SLC27A4: variants seen among roughly 807,000 people sequenced by gnomAD.
SLC27A4 encodes solute carrier family 27 member 4, also known as long-chain fatty acid transport protein 4.
SLC27A4 carries 33 observed loss-of-function variants against 64.4 expected under a neutral mutation model. The ratio of observed to expected loss-of-function variants is 0.51; its 90% confidence interval spans 0.39 to 0.68. The LOEUF (loss-of-function observed/expected upper bound fraction) is 0.68. Ranked by LOEUF, SLC27A4 falls within the 30% of genes least tolerant of loss-of-function variation. The probability of loss-of-function intolerance (pLI) is 0.00; values close to 1 mark genes in which losing one functional copy is unlikely to be tolerated. For synonymous variants in SLC27A4, 377 were observed against 370.0 expected, an observed-to-expected ratio of 1.02 and a Z score of -0.22; for missense variants, 824 against 883.5, an observed-to-expected ratio of 0.93 and a Z score of 0.85.
intron 2 of SLC27A4, 147 bp downstream of exon 2, chr9:128,343,440 C>T (rs142640560): frequency 6.1e-4 from 543 of 887,854 alleles, no homozygotes; most frequent in African/African-American, 3.0e-3. Context: ...GCTCCACACC[C>T]GTACCCTGGC....
rs7048106 is a variant in SLC27A4, at chr9:128,361,263, A to G, written c.*772A>G. ...CACCCAAGCCCACCCTGACCCCAGA[A>G]CCCCACAGCCCCACTGTGGCCGCTT... On this transcript the variant is annotated 3_prime_UTR_variant, in exon 13 of 13. Transcript: ENST00000300456. The G allele has an allele frequency of 0.36, 55,557 of 152,474 alleles. 13,690 individuals carry two copies. The highest frequency in any genetic ancestry group is 0.71 in the African/African-American group (29,421 of 41,360). 9.4% of individuals were successfully genotyped at this position (152,474 alleles called of 1,614,324 possible).
chr9:128,346,300 C>G lies in SLC27A4; in HGVS notation c.556+751C>G, dbSNP rs552918381. Among the ~76,000 whole-genome samples, 250 of 151,812 alleles carry G rather than the reference C, an allele frequency of 1.6e-3. 1 individual carries two copies. Among genetic ancestry groups the G allele is most frequent in the Non-Finnish European group, 7.5e-4 (51 of 67,970 alleles). ...CCAGGCTGGAGTGCAGTGGCGTGATCTCGGCTCACTGCAACCTCCACCTCC... is the reference window on the plus strand; with the variant it reads ...CCAGGCTGGAGTGCAGTGGCGTGATGTCGGCTCACTGCAACCTCCACCTCC... On this transcript the variant is annotated intron_variant, in intron 3 of 12. Coordinates refer to ENST00000300456, the MANE Select transcript of SLC27A4 (RefSeq NM_005094.4).
intron 6 of SLC27A4, among the ~76,000 whole-genome samples, chr9:128,351,426 CA>C (rs1334561826): frequency 6.6e-6 from 1 of 151,702 alleles, no homozygotes; most frequent in East Asian, 1.9e-4. Context: ...GACACTGTCT[CA>C]AAAAAAATAA....
In SLC27A4 at chr9:128,348,829, C is replaced by A. The variant is rs562152200; in HGVS notation, c.715+126C>A. ...GCCTGGAACATGTCACGTCACCTCC[C>A]TTTTTCCATCTGGAAAATGGTGACA... On this transcript the variant is annotated intron_variant, in intron 4 of 12. Coordinates refer to ENST00000300456, the MANE Select transcript of SLC27A4 (RefSeq NM_005094.4). 3 of 947,674 alleles carry A rather than the reference C, an allele frequency of 3.2e-6. No individual in the cohort carries two copies. In the South Asian group the frequency reaches 4.4e-5, roughly 14 times the overall value. The allele number at this position is 947,674 out of a possible 1,614,324, so 58.7% of individuals were successfully genotyped here. A position where few individuals can be genotyped will look rare whatever the true frequency, so the allele number is the denominator to read the frequency against.
At chr9:128,347,012 A>G (rs1832667849) in intron 3 of SLC27A4, among the ~76,000 whole-genome samples, 1 of 152,132 alleles carries the variant, frequency 6.6e-6, no homozygotes, top group Admixed American at 6.6e-5. Flanking sequence ...GTCAAAAAAA[A>G]AGATACTTAC....
intron 1 of SLC27A4, chr9:128,342,173 C>T (rs1832583077): frequency 7.4e-7 from 1 of 1,344,190 alleles, no homozygotes; most frequent in African/African-American, 1.4e-5. Flanking sequence ...GTGGTGGCCA[C>T]TGCGCAGACC....
At chr9:128,341,632 A>G (rs1832573837) in intron 1 of SLC27A4, among the ~76,000 whole-genome samples, 1 of 152,164 alleles carries the variant, frequency 6.6e-6, no homozygotes, top group African/African-American at 2.4e-5. Flanking sequence ...ACCTGAGTCT[A>G]TGGGCAGGGA....
At chr9:128,344,724 C>T (rs892459712) in intron 2 of SLC27A4, among the ~76,000 whole-genome samples, 4 of 151,984 alleles carry the variant, frequency 2.6e-5, no homozygotes, top group East Asian at 3.8e-4. Context: ...CATGGTGGGT[C>T]GAGGGAGCAG....
chr9:128,355,713 G>A lies in SLC27A4; in HGVS notation c.1691G>A (p.Arg564His), dbSNP rs372044915. The A allele has an allele frequency of 2.1e-5, 34 of 1,613,288 alleles. No individual in the cohort carries two copies. Among genetic ancestry groups the A allele is most frequent in the African/African-American group, 6.7e-5 (5 of 74,938 alleles). The change falls in exon 12 of 13, where the codon CGC (arginine) becomes CAC (histidine). Residue 564 changes from arginine (R) to histidine (H), a missense_variant. By Grantham distance (29) the Arg-to-His change is conservative. Transcript: ENST00000300456. ...ASPTGNCDLERFAQVLEKELP... is the reference protein window; with the variant it reads ...ASPTGNCDLEHFAQVLEKELP... Reference sequence around the variant, plus strand: ...CCCACTGGCAACTGTGACCTGGAGCGCTTTGCTCAGGTCTTGGAGAAGGAA... The same window carrying A: ...CCCACTGGCAACTGTGACCTGGAGCACTTTGCTCAGGTCTTGGAGAAGGAA...
intron 1 of SLC27A4, chr9:128,342,149 C>A: frequency 9.6e-7 from 1 of 1,045,534 alleles, no homozygotes; most frequent in Non-Finnish European, 1.5e-6. Context: ...TAGAACACGT[C>A]TCAGGACAAC....
intron 6 of SLC27A4, 75 bp downstream of exon 6, chr9:128,350,650 C>T: frequency 8.6e-7 from 1 of 1,158,640 alleles, no homozygotes; most frequent in Admixed American, 1.9e-5. Flanking sequence ...AGGCAGTGTG[C>T]TGCAGTAGAA....
At chr9:128,347,411 A>G (rs1468528524) in intron 3 of SLC27A4, among the ~76,000 whole-genome samples, 1 of 152,112 alleles carries the variant, frequency 6.6e-6, no homozygotes, top group African/African-American at 2.4e-5. Context: ...GTTGTGGGAT[A>G]ATGAATAGGG....
At position 128,356,112 on chromosome 9, in the gene SLC27A4, C is replaced by T. The variant is rs1832817086; in HGVS notation, c.1774+316C>T. Among the ~76,000 whole-genome samples the T allele has an allele frequency of 2.6e-5, 4 of 152,200 alleles. No homozygotes were observed. The South Asian group carries it at 6.2e-4, about 24-fold the overall frequency. On this transcript the variant is annotated intron_variant, in intron 12 of 12. Coordinates refer to ENST00000300456, the MANE Select transcript of SLC27A4 (RefSeq NM_005094.4). ...ACAAGGCATTCCAAAGGTAAAGAAT[C>T]GACCACATAATCTGTCATGAGATTA...
chr9:128,352,032 A>G (rs1164497128), intron 6 of SLC27A4, among the ~76,000 whole-genome samples: 1 of 145,068 alleles, frequency 6.9e-6, no homozygotes, highest in Non-Finnish European at 1.5e-5. Context: ...TAAAAATACA[A>G]AAAAAAAAAA....
rs752738523 is a variant in SLC27A4 at position 128,345,412 on chromosome 9, T to C, written c.419T>C (p.Val140Ala). The C allele has an allele frequency of 1.9e-6, 3 of 1,613,770 alleles. No homozygotes were observed. The highest frequency in any genetic ancestry group is 2.5e-6 in the Non-Finnish European group (3 of 1,180,018). Residue 140 changes from valine (V) to alanine (A), a missense_variant, in exon 3 of 13, where the codon GTG (valine) becomes GCG (alanine). Coordinates refer to ENST00000300456, the MANE Select transcript of SLC27A4 (RefSeq NM_005094.4). This position sits in a 1 kb window ranked among gnomAD's most constrained non-coding sequence, Gnocchi z 4.1. The stretch of plus-strand genomic sequence containing the variant: ...TTCATGGAGAACCGCAATGAGTTCG[T>C]GGGCCTATGGCTGGGCATGGCCAAG... ...AIFMENRNEF[V>A]GLWLGMAKLG...
Position 128,360,818 on chromosome 9 carries a change from C to A in SLC27A4, c.*327C>A. ...GGGTCACCGAGCCCTTCCCAGAGAG[C>A]AGGGAGCTTATAAATGGAACCAGAG... On this transcript the variant is annotated 3_prime_UTR_variant, in exon 13 of 13. Transcript: ENST00000300456. 1 of 376,046 alleles carries A rather than the reference C, an allele frequency of 2.7e-6. No homozygotes were observed. The highest frequency in any genetic ancestry group is 5.1e-6 in the Non-Finnish European group (1 of 197,446). 23.3% of individuals were successfully genotyped at this position (376,046 alleles called of 1,614,324 possible).
In SLC27A4 at chr9:128,345,319, A is replaced by C; in HGVS notation, c.326A>C (p.Glu109Ala). The C allele has an allele frequency of 6.2e-7, 1 of 1,613,844 alleles. No homozygotes were observed. Among genetic ancestry groups the C allele is most frequent in the Non-Finnish European group, 8.5e-7 (1 of 1,180,018 alleles). Residue 109 changes from glutamate (E) to alanine (A), a missense_variant, in exon 3 of 13, where the codon GAG becomes GCG. Glu to Ala is a moderately radical substitution (Grantham distance 107, BLOSUM62 -1). Coordinates refer to ENST00000300456, the MANE Select transcript of SLC27A4 (RefSeq NM_005094.4). The surrounding 1 kb of genome is among the most constrained non-coding windows in gnomAD (Gnocchi z 4.1). ...CACTGGACCTTCCGCCAGCTGGATG[A>C]GTACTCAAGCAGTGTAGCCAACTTC... ...DTHWTFRQLD[E>A]YSSSVANFLQ...
chr9:128,342,378 C>T lies in SLC27A4; in HGVS notation c.-6-749C>T. On this transcript the variant is annotated intron_variant, in intron 1 of 12. Coordinates refer to ENST00000300456, the MANE Select transcript of SLC27A4 (RefSeq NM_005094.4). ...CAAGCGAATCGTAATGAGGCGTGCA[C>T]CGCCAATATGCATTGTACATTCCAC... The T allele has an allele frequency of 1.9e-6, 3 of 1,610,124 alleles. No homozygotes were observed. The South Asian group carries it at 3.3e-5, about 18-fold the overall frequency.
chr9:128,342,981 C>T, intron 1 of SLC27A4, 146 bp from the exon 2 acceptor site: 1 of 1,016,138 alleles, frequency 9.8e-7, no homozygotes, highest in Non-Finnish European at 1.5e-6. Flanking sequence ...GGAAAGGGAC[C>T]CCTGTGGTCA....
Sources: allele counts gnomAD v4.1 joint callset (sites outside exome capture counted in the v4.1 genomes callset), GRCh38; gene constraint gnomAD v4.1.1; non-coding constraint Gnocchi (gnomAD v3.1); transcripts MANE v1.5; gene names NCBI Gene and HGNC (gene_info 2026-07-23, HGNC 2026-07-21).